Variants in SLC14A2 observed in about 807,000 individuals in gnomAD.
SLC14A2 encodes the protein urea transporter 2.
In SLC14A2, 91 loss-of-function variants were observed where a neutral mutation model predicts 104.6. The observed-to-expected ratio is 0.87, with a 90% confidence interval of 0.73 to 1.04. The LOEUF (loss-of-function observed/expected upper bound fraction) is 1.04. Among genes scored for constraint, SLC14A2 ranks in the 50% least tolerant of loss-of-function variants. The pLI, the probability that SLC14A2 is intolerant of heterozygous loss-of-function variation, is 0.00. For synonymous variants in SLC14A2, 476 were observed against 466.4 expected (o/e 1.02, Z -0.27); for missense variants, 1,189 against 1,156.0 (o/e 1.03, Z -0.41).
At chr18:45,563,616 AC>A (rs2044231811) in intron 2 of SLC14A2, among the ~76,000 whole-genome samples, 1 of 152,162 alleles carries the variant, frequency 6.6e-6, no homozygotes, top group Admixed American at 6.5e-5. Flanking sequence ...TCTTTAAATG[AC>A]TATAATTTTT....
At chr18:45,531,599 A>C (rs2043688687) in intron 2 of SLC14A2, among the ~76,000 whole-genome samples, 1 of 152,138 alleles carries the variant, frequency 6.6e-6, no homozygotes, top group South Asian at 2.1e-4. Context: ...TCTGGATATT[A>C]GTCCTTTGTC....
At chr18:45,585,487 C>A (rs894650641) in intron 2 of SLC14A2, among the ~76,000 whole-genome samples, 8 of 152,146 alleles carry the variant, frequency 5.3e-5, no homozygotes, top group Non-Finnish European at 4.4e-5. Flanking sequence ...AAATGGGAAC[C>A]ATTCTGGCTC....
At chr18:45,639,936 C>G in intron 7 of SLC14A2, 43 bp downstream of exon 7, 1 of 1,568,782 alleles carries the variant, frequency 6.4e-7, no homozygotes, top group South Asian at 1.1e-5. Flanking sequence ...GGATAATTCA[C>G]TCAAGGTCAC....
intron 2 of SLC14A2, among the ~76,000 whole-genome samples, chr18:45,503,348 G>T (rs1032611183): frequency 3.9e-5 from 6 of 152,092 alleles, no homozygotes; most frequent in African/African-American, 1.4e-4. Context: ...TAACCAAAAT[G>T]GGGTCATCCC....
At chr18:45,285,802 G>T (rs12956384) in intron 1 of SLC14A2, among the ~76,000 whole-genome samples, 2,575 of 142,436 alleles carry the variant, frequency 0.018, 34 homozygotes, top group East Asian at 0.03. Context: ...GGCGAGGCCT[G>T]TGTGGTCTCC....
chr18:45,460,738 T>A (rs2087030575), intron 1 of SLC14A2, among the ~76,000 whole-genome samples: 1 of 152,028 alleles, frequency 6.6e-6, no homozygotes, highest in Non-Finnish European at 1.5e-5. Flanking sequence ...CCCTGCAGTT[T>A]TAATGCGATA....
chr18:45,613,258 G>A (rs569921219), upstream of SLC14A2, among the ~76,000 whole-genome samples: 3 of 152,156 alleles, frequency 2.0e-5, no homozygotes, highest in East Asian at 1.9e-4. Flanking sequence ...TCCTGACCTC[G>A]TGATCCGCCC....
intron 1 of SLC14A2, among the ~76,000 whole-genome samples, chr18:45,461,323 A>C (rs780299383): frequency 2.0e-5 from 3 of 152,180 alleles, no homozygotes; most frequent in Non-Finnish European, 2.9e-5. Flanking sequence ...GGAACACTGG[A>C]CCATGTGAGG....
chr18:45,617,200 T>C (rs952868656), intron 1 of SLC14A2, among the ~76,000 whole-genome samples: 1 of 152,144 alleles, frequency 6.6e-6, no homozygotes, highest in Non-Finnish European at 1.5e-5. Flanking sequence ...AGTGGTCTGC[T>C]CTCTCCCCCA....
chr18:45,504,718 AACTCAAT>A (rs1209844181), intron 2 of SLC14A2, among the ~76,000 whole-genome samples: 1 of 152,218 alleles, frequency 6.6e-6, no homozygotes, highest in African/African-American at 2.4e-5. Flanking sequence ...CTGTGGAAGC[AACTCAAT>A]CCAGGAACTT....
rs184415667 is a variant in SLC14A2 at position 45,280,451 on chromosome 18, C to A, written c.-125+67260C>A. Among the ~76,000 whole-genome samples, 1,040 of 152,196 alleles carry A rather than the reference C, an allele frequency of 6.8e-3. 13 individuals are homozygous for A. The highest frequency in any genetic ancestry group is 0.023 in the African/African-American group (959 of 41,528). ...GTTTGATTTTGGTCGATTGAGGTTA[C>A]ACAATTGTGGGAGTGATACTTCCAC... On this transcript the variant is annotated intron_variant, in intron 1 of 20. Coordinates refer to the SLC14A2 transcript ENST00000586448.
intron 2 of SLC14A2, among the ~76,000 whole-genome samples, chr18:45,512,697 A>G (rs1198261515): frequency 1.3e-5 from 2 of 152,178 alleles, no homozygotes; most frequent in African/African-American, 2.4e-5. Context: ...GATTTTCTTC[A>G]CGGCAGCCTC....
chr18:45,203,542 G>A, the SLC14A2 span, among the ~76,000 whole-genome samples: 1 of 152,184 alleles, frequency 6.6e-6, no homozygotes, highest in Non-Finnish European at 1.5e-5. Flanking sequence ...CTGTGTGTGT[G>A]TATGTACATC....
At chr18:45,174,178 G>T in the SLC14A2 span, among the ~76,000 whole-genome samples, 3 of 152,034 alleles carry the variant, frequency 2.0e-5, no homozygotes, top group Non-Finnish European at 4.4e-5. Flanking sequence ...CCTAGGAAAT[G>T]AGTTTTCTTC....
At chr18:45,318,897 C>T (rs932231319) in intron 1 of SLC14A2, among the ~76,000 whole-genome samples, 2 of 152,088 alleles carry the variant, frequency 1.3e-5, no homozygotes, top group Admixed American at 6.5e-5. Flanking sequence ...AGGCCAAATG[C>T]GCCACCAGAT....
intron 10 of SLC14A2, among the ~76,000 whole-genome samples, chr18:45,649,398 C>T (rs1157425545): frequency 6.6e-6 from 1 of 152,114 alleles, no homozygotes; most frequent in African/African-American, 2.4e-5. Context: ...GTGCTAAGAC[C>T]ATTTATCATT....
At chr18:45,336,623 A>G (rs987907663) in intron 1 of SLC14A2, among the ~76,000 whole-genome samples, 2 of 152,166 alleles carry the variant, frequency 1.3e-5, no homozygotes, top group African/African-American at 2.4e-5. Flanking sequence ...GAGTACATTC[A>G]TAGATCCCTG....
At chr18:45,487,579 G>A (rs567746677) in intron 2 of SLC14A2, among the ~76,000 whole-genome samples, 2 of 152,254 alleles carry the variant, frequency 1.3e-5, no homozygotes, top group Admixed American at 6.5e-5. Context: ...ACCTGTTGCA[G>A]GTTGGGGTCC....
At chr18:45,632,246 A>G (rs956522199) in intron 4 of SLC14A2, 104 bp from the exon 5 acceptor site, 3 of 1,428,058 alleles carry the variant, frequency 2.1e-6, no homozygotes, top group East Asian at 4.7e-5. Flanking sequence ...AAGCATTATT[A>G]TTAAAGGAAT....
Sources: gnomAD v4.1 joint callset for allele counts (sites outside exome capture counted in the v4.1 genomes callset) on GRCh38, gnomAD v4.1.1 for gene constraint, MANE v1.5 for transcripts, NCBI Gene and HGNC (gene_info 2026-07-23, HGNC 2026-07-21) for gene names.